TIMM13: variants seen among roughly 807,000 people sequenced by gnomAD.
TIMM13 encodes the protein translocase of inner mitochondrial membrane 13, also known as mitochondrial import inner membrane translocase subunit Tim13.
A neutral mutation model predicts 10.9 loss-of-function variants in TIMM13; 8 were observed. The ratio of observed to expected loss-of-function variants is 0.73; its 90% CI spans 0.43 to 1.32. The LOEUF (loss-of-function observed/expected upper bound fraction) is 1.32. TIMM13 is among the 40% of genes most tolerant of loss of function. The pLI is 0.01. For synonymous variants in TIMM13, 68 were observed against 52.5 expected (o/e 1.30, Z -1.28); for missense variants, 147 against 132.8 (o/e 1.11, Z -0.53).
Position 2,426,001 on chromosome 19 carries a change from C to A in TIMM13, c.*947G>T, listed in dbSNP as rs1438562970. ...TGCTAACTGGGGTCACTAGCTGGGG[C>A]TATGGCTGTGGCCGGCCCCACTTCC... On this transcript the variant is annotated 3_prime_UTR_variant, in exon 3 of 3. Transcript: ENST00000215570. 1.2e-6 allele frequency: 2 copies of A among 1,607,836 alleles called. No homozygotes were observed. The highest frequency in any genetic ancestry group is 1.7e-6 in the Non-Finnish European group (2 of 1,177,932).
At position 2,426,082 on chromosome 19, in the gene TIMM13, G is replaced by C; in HGVS notation, c.*866C>G. 2.5e-6 allele frequency: 4 copies of C among 1,605,340 alleles called. No homozygotes were observed. Among genetic ancestry groups the C allele is most frequent in the Non-Finnish European group, 3.4e-6 (4 of 1,176,976 alleles). ...GAGGCTGGATAGGACAGCACATCCA[G>C]GAGTGACCACCACGTGACTGCCCAG... On this transcript the variant is annotated 3_prime_UTR_variant, in exon 3 of 3. Transcript: ENST00000215570.
Position 2,426,448 on chromosome 19 carries a change from GGGGAAAGAT to G in TIMM13, c.*491_*499del. The G allele has an allele frequency of 3.4e-6, 1 of 294,824 alleles. No individual in the cohort carries two copies. The highest frequency in any genetic ancestry group is 6.4e-6 in the Non-Finnish European group (1 of 156,524). 18.3% of individuals were successfully genotyped at this position (294,824 alleles called of 1,614,324 possible). A position where few individuals can be genotyped will look rare whatever the true frequency, so the allele number is the denominator to read the frequency against. ...TGACTCAGCAGCCCGGTGGCACTAA[GGGGAAAGAT>G]GGACTTCTCCCAACCCAGGGGAGGC... On this transcript the variant is annotated 3_prime_UTR_variant, in exon 3 of 3. Transcript: ENST00000215570.
chr19:2,426,533 G>A lies in TIMM13; in HGVS notation c.*415C>T. The A allele has an allele frequency of 3.5e-6, 1 of 288,356 alleles. No homozygotes were observed. Among genetic ancestry groups the A allele is most frequent in the Non-Finnish European group, 6.6e-6 (1 of 151,598 alleles). 17.9% of individuals were successfully genotyped at this position (288,356 alleles called of 1,614,324 possible). A position where few individuals can be genotyped will look rare whatever the true frequency, so the allele number is the denominator to read the frequency against. ...GGGACACGCGTCACCTCTTCCCAGA[G>A]ACCCCTCAGGAGGGAAATAAAGAGG... On this transcript the variant is annotated 3_prime_UTR_variant, in exon 3 of 3. Transcript: ENST00000215570.
At position 2,426,196 on chromosome 19, in the gene TIMM13, C is replaced by G. The variant is rs1378957401; in HGVS notation, c.*752G>C. On this transcript the variant is annotated 3_prime_UTR_variant, in exon 3 of 3. Transcript: ENST00000215570. ...CTACCCAAGGACGGGTGTGGGGGGG[C>G]TGTGGGTCATGGGGATGCATTTTGG... is the stretch of plus-strand genomic sequence containing the variant. 1.7e-5 allele frequency: 15 copies of G among 859,754 alleles called. No homozygotes were observed. The highest frequency in any genetic ancestry group is 5.2e-5 in the African/African-American group (1 of 19,368). The allele number at this position is 859,754 out of a possible 1,614,324, so 53.3% of individuals were successfully genotyped here.
chr19:2,425,928 G>T lies in TIMM13; in HGVS notation c.*1020C>A. Reference sequence around the variant, plus strand: ...CCCCCTTTCTTCTCTCCCCAACAGGGTGACGCTGGGGGACCCCTGGCCTGC... The same window carrying T: ...CCCCCTTTCTTCTCTCCCCAACAGGTTGACGCTGGGGGACCCCTGGCCTGC... On this transcript the variant is annotated 3_prime_UTR_variant, in exon 3 of 3. Coordinates refer to ENST00000215570, the MANE Select transcript of TIMM13 (RefSeq NM_012458.4). 1 of 1,592,994 alleles carries T rather than the reference G, an allele frequency of 6.3e-7. No individual in the cohort carries two copies. The highest frequency in any genetic ancestry group is 8.5e-7 in the Non-Finnish European group (1 of 1,173,388).
rs1479302013 is a variant in TIMM13, at chr19:2,426,808, GGTGGCGAGGACACA to G, written c.*126_*139del. ...CTGGCTGGCAGGGGGCAGGGCGGGGGGTGGCGAGGACACAGTCCCGTGTGTCCCAGCACCGGTGC... is the reference window on the plus strand; with the variant it reads ...CTGGCTGGCAGGGGGCAGGGCGGGGGGTCCCGTGTGTCCCAGCACCGGTGC... On this transcript the variant is annotated 3_prime_UTR_variant, in exon 3 of 3. Coordinates refer to ENST00000215570, the MANE Select transcript of TIMM13 (RefSeq NM_012458.4). The G allele has an allele frequency of 1.6e-5, 13 of 829,948 alleles. No homozygotes were observed. The Admixed American group carries it at 1.9e-4, about 12-fold the overall frequency. The allele number at this position is 829,948 out of a possible 1,614,324, so 51.4% of individuals were successfully genotyped here.
chr19:2,427,541 C>A lies in TIMM13; in HGVS notation c.-8G>T. The A allele has an allele frequency of 6.3e-7, 1 of 1,597,330 alleles. No homozygotes were observed. Among genetic ancestry groups the A allele is most frequent in the Non-Finnish European group, 8.5e-7 (1 of 1,172,922 alleles). On this transcript the variant is annotated 5_prime_UTR_variant, in exon 1 of 3. Transcript: ENST00000215570. ...GCCGAAGCCGCCCTCCATGGCTCCG[C>A]AAAGTCAACCGGACCGAGGCCGCGT...
rs941414188 is a variant in TIMM13 at position 2,426,850 on chromosome 19, C to T, written c.*98G>A. On this transcript the variant is annotated 3_prime_UTR_variant, in exon 3 of 3. Transcript: ENST00000215570. ...CCCGTGTGTCCCAGCACCGGTGCCA[C>T]CCTCCTAAGCCCCGGGCAGGCAGTA... is the stretch of plus-strand genomic sequence containing the variant. The T allele has an allele frequency of 1.6e-6, 2 of 1,224,090 alleles. No homozygotes were observed. The highest frequency in any genetic ancestry group is 4.0e-5 in the Admixed American group (2 of 50,028). 75.8% of individuals were successfully genotyped at this position (1,224,090 alleles called of 1,614,324 possible). A position where few individuals can be genotyped will look rare whatever the true frequency, so the allele number is the denominator to read the frequency against.
Position 2,425,965 on chromosome 19 carries a change from TG to T in TIMM13, c.*982del. ...GACCCCTGGCCTGCAGGGAGCCCTC[TG>T]GACGGTGGGTGCTAACTGGGGTCAC... On this transcript the variant is annotated 3_prime_UTR_variant, in exon 3 of 3. Coordinates refer to ENST00000215570, the MANE Select transcript of TIMM13 (RefSeq NM_012458.4). The T allele has an allele frequency of 6.2e-7, 1 of 1,606,722 alleles. No homozygotes were observed. Among genetic ancestry groups the T allele is most frequent in the Non-Finnish European group, 8.5e-7 (1 of 1,177,696 alleles).
In TIMM13 at chr19:2,426,668, AT is replaced by A. The variant is rs1971643368; in HGVS notation, c.*279del. The stretch of plus-strand genomic sequence containing the variant: ...TCCAGACAAGCTGTCCGCCCAGAAT[AT>A]GAGGCTGACTTGGGCACACTAGGGG... On this transcript the variant is annotated 3_prime_UTR_variant, in exon 3 of 3. Transcript: ENST00000215570. The A allele has an allele frequency of 1.9e-6, 1 of 513,964 alleles. No individual in the cohort carries two copies. The highest frequency in any genetic ancestry group is 2.0e-5 in the African/African-American group (1 of 51,262). 31.8% of individuals were successfully genotyped at this position (513,964 alleles called of 1,614,324 possible).
chr19:2,427,222 C>G, intron 2 of TIMM13, 34 bp downstream of exon 2: 1 of 1,609,460 alleles, frequency 6.2e-7, no homozygotes, highest in Non-Finnish European at 8.5e-7. Flanking sequence ...TCTAGGCCCT[C>G]GCGACCCTTG....
chr19:2,425,945 C>G lies in TIMM13; in HGVS notation c.*1003G>C. The G allele has an allele frequency of 6.2e-7, 1 of 1,600,478 alleles. No individual in the cohort carries two copies. On this transcript the variant is annotated 3_prime_UTR_variant, in exon 3 of 3. Coordinates refer to ENST00000215570, the MANE Select transcript of TIMM13 (RefSeq NM_012458.4). ...CCAACAGGGTGACGCTGGGGGACCC[C>G]TGGCCTGCAGGGAGCCCTCTGGACG...
At position 2,426,793 on chromosome 19, in the gene TIMM13, G is replaced by A. The variant is rs1971648819; in HGVS notation, c.*155C>T. On this transcript the variant is annotated 3_prime_UTR_variant, in exon 3 of 3. Transcript: ENST00000215570. ...GAGATCCAAGCTGCACTGGCTGGCA[G>A]GGGGCAGGGCGGGGGGTGGCGAGGA... The A allele has an allele frequency of 2.6e-6, 2 of 765,596 alleles. No homozygotes were observed. The highest frequency in any genetic ancestry group is 1.7e-5 in the South Asian group (1 of 59,498). 47.4% of individuals were successfully genotyped at this position (765,596 alleles called of 1,614,324 possible).
At position 2,426,251 on chromosome 19, in the gene TIMM13, C is replaced by T. The variant is rs758815908; in HGVS notation, c.*697G>A. 7.9e-5 allele frequency: 30 copies of T among 379,776 alleles called. No homozygotes were observed. In the Admixed American group the frequency reaches 1.3e-3, roughly 16 times the overall value. 23.5% of individuals were successfully genotyped at this position (379,776 alleles called of 1,614,324 possible). A position where few individuals can be genotyped will look rare whatever the true frequency, so the allele number is the denominator to read the frequency against. ...ACCCTTTGTTCCAATAAACACAGCC[C>T]CTCCACCCTAGCTCACTGGCTCAGC... is the stretch of plus-strand genomic sequence containing the variant. On this transcript the variant is annotated 3_prime_UTR_variant, in exon 3 of 3. Transcript: ENST00000215570.
At position 2,425,670 on chromosome 19, in the gene TIMM13, G is replaced by A; in HGVS notation, c.*1278C>T. 1 of 1,277,016 alleles carries A rather than the reference G, an allele frequency of 7.8e-7. No individual in the cohort carries two copies. Among genetic ancestry groups the A allele is most frequent in the Non-Finnish European group, 1.0e-6 (1 of 977,510 alleles). 79.1% of individuals were successfully genotyped at this position (1,277,016 alleles called of 1,614,324 possible). A position where few individuals can be genotyped will look rare whatever the true frequency, so the allele number is the denominator to read the frequency against. On this transcript the variant is annotated 3_prime_UTR_variant, in exon 3 of 3. Transcript: ENST00000215570. ...TTTCCACTCCACAGCCGTTTATTGG[G>A]CAACCCACCGCATCCCATCCCCGGG...
rs922373498 is a variant in TIMM13 at position 2,426,343 on chromosome 19, G to T, written c.*605C>A. The T allele has an allele frequency of 4.3e-6, 2 of 465,804 alleles. No individual in the cohort carries two copies. The highest frequency in any genetic ancestry group is 7.6e-6 in the Non-Finnish European group (2 of 264,874). 28.9% of individuals were successfully genotyped at this position (465,804 alleles called of 1,614,324 possible). ...CAGGACCCGGGGTGGAACGAAGCAG[G>T]GTCAAAGCAAGCCCTGACAAGGGGA... On this transcript the variant is annotated 3_prime_UTR_variant, in exon 3 of 3. Coordinates refer to ENST00000215570, the MANE Select transcript of TIMM13 (RefSeq NM_012458.4).
At chr19:2,427,194 G>A (rs372496541) in intron 2 of TIMM13, 62 bp downstream of exon 2, 75 of 1,588,792 alleles carry the variant, frequency 4.7e-5, no homozygotes, top group Non-Finnish European at 6.1e-5. Flanking sequence ...CGCACGCGCA[G>A]ACACCTCCCC....
In TIMM13 at chr19:2,426,115, C is replaced by G. The variant is rs938687215; in HGVS notation, c.*833G>C. ...CACCACGTGACTGCCCAGGCCGAGACTCTACGTGAAAGCAACAGGAGCAGC... is the reference window on the plus strand; with the variant it reads ...CACCACGTGACTGCCCAGGCCGAGAGTCTACGTGAAAGCAACAGGAGCAGC... On this transcript the variant is annotated 3_prime_UTR_variant, in exon 3 of 3. Transcript: ENST00000215570. 2 of 1,590,128 alleles carry G rather than the reference C, an allele frequency of 1.3e-6. No homozygotes were observed. The highest frequency in any genetic ancestry group is 1.4e-5 in the African/African-American group (1 of 73,396).
Position 2,427,248 on chromosome 19 carries a change from G to A in TIMM13, c.189+8C>T, listed in dbSNP as rs747149699. The A allele has an allele frequency of 6.2e-7, 1 of 1,612,918 alleles. No individual in the cohort carries two copies. On this transcript the variant is annotated splice_region_variant and intron_variant, in intron 2 of 2. Transcript: ENST00000215570. ...GCGACCCTTGCCCCGAACCTCCGCG[G>A]GTCTCACCTGCTCGGAGTTGTCCAG...
Sources: allele counts gnomAD v4.1 joint callset, GRCh38; gene constraint gnomAD v4.1.1; transcripts MANE v1.5; gene names NCBI Gene and HGNC (gene_info 2026-07-23, HGNC 2026-07-21).